PAMR1: variants seen among roughly 807,000 people sequenced by gnomAD.
The protein encoded by PAMR1 is inactive serine protease PAMR1.
PAMR1 carries 88 observed loss-of-function variants against 81.8 expected under a neutral mutation model. The ratio of observed to expected loss-of-function variants is 1.08; its 90% CI spans 0.91 to 1.28. PAMR1 has a LOEUF of 1.28. Among genes scored for constraint, PAMR1 ranks in the 50% most tolerant of loss-of-function variants. The probability of loss-of-function intolerance (pLI) is 0.00; values close to 1 mark genes in which losing one functional copy is unlikely to be tolerated. For missense variants in PAMR1, 935 were observed against 919.7 expected (o/e 1.02, Z -0.21); for synonymous variants, 336 against 345.3 (o/e 0.97, Z 0.30).
At chr11:35,493,453 A>C (rs1382918092) in intron 2 of PAMR1, among the ~76,000 whole-genome samples, 1 of 151,354 alleles carries the variant, frequency 6.6e-6, no homozygotes, top group Non-Finnish European at 1.5e-5. Flanking sequence ...CCCTCTCTCC[A>C]TCTATCCAGG....
chr11:35,459,175 A>G (rs183382691), intron 6 of PAMR1, among the ~76,000 whole-genome samples: 1 of 152,264 alleles, frequency 6.6e-6, no homozygotes, highest in African/African-American at 2.4e-5. Flanking sequence ...CTTAATCAGT[A>G]TTGTCCTTGG....
At chr11:35,493,631 C>G (rs1272161412) in intron 2 of PAMR1, among the ~76,000 whole-genome samples, 1 of 152,186 alleles carries the variant, frequency 6.6e-6, no homozygotes, top group Non-Finnish European at 1.5e-5. Context: ...AGCATGCTCA[C>G]CACCTTCTCT....
At chr11:35,494,010 C>T in intron 2 of PAMR1, 86 bp downstream of exon 2, 3 of 1,038,672 alleles carry the variant, frequency 2.9e-6, no homozygotes, top group Non-Finnish European at 4.4e-6. Flanking sequence ...TGATGGCTGC[C>T]TGCTAGAATT....
chr11:35,460,586 G>A (rs936753560), intron 6 of PAMR1, among the ~76,000 whole-genome samples: 21 of 151,848 alleles, frequency 1.4e-4, no homozygotes, highest in Non-Finnish European at 1.9e-4. Context: ...TTGGTTTTTC[G>A]TCCTTGTGAT....
intron 3 of PAMR1, among the ~76,000 whole-genome samples, chr11:35,481,508 T>TTTTG (rs58551047): frequency 0.029 from 4,345 of 151,030 alleles, 208 homozygotes; most frequent in African/African-American, 0.099. Flanking sequence ...TGTCTTCTTG[T>TTTTG]TTTGTTTGTT....
chr11:35,452,142 A>G (rs1856432916), intron 6 of PAMR1, among the ~76,000 whole-genome samples: 1 of 152,240 alleles, frequency 6.6e-6, no homozygotes, highest in African/African-American at 2.4e-5. Context: ...GAAATAAAAC[A>G]AGATTGAGCA....
At chr11:35,507,206 C>T (rs1392383835) in intron 1 of PAMR1, among the ~76,000 whole-genome samples, 1 of 151,958 alleles carries the variant, frequency 6.6e-6, no homozygotes, top group Non-Finnish European at 1.5e-5. Flanking sequence ...CACCACCAAG[C>T]CCGGCTAATT....
intron 4 of PAMR1, among the ~76,000 whole-genome samples, chr11:35,473,759 C>A (rs1033383836): frequency 6.6e-6 from 1 of 151,988 alleles, no homozygotes; most frequent in African/African-American, 2.4e-5. Context: ...ATTTAGCCAC[C>A]CAGAATATAC....
intron 1 of PAMR1, among the ~76,000 whole-genome samples, chr11:35,506,688 T>C (rs647574): frequency 0.31 from 47,462 of 151,600 alleles, 7,517 homozygotes; most frequent in African/African-American, 0.36. Flanking sequence ...AATTGGAGCT[T>C]CTTTTGTATG....
In PAMR1 at chr11:35,437,162, A is replaced by T. The variant is rs755696324; in HGVS notation, c.1101-1027T>A. Among the ~76,000 whole-genome samples, 66 of 152,302 alleles carry T rather than the reference A, an allele frequency of 4.3e-4. 1 individual carries two copies. Among genetic ancestry groups the T allele is most frequent in the Middle Eastern group, 6.8e-3 (2 of 294 alleles). ...GACCACTCAGGGATTCTTGGGGAAGATGTGCACACACTCTGCAGTTTGTGT... is the reference window on the plus strand; with the variant it reads ...GACCACTCAGGGATTCTTGGGGAAGTTGTGCACACACTCTGCAGTTTGTGT... On this transcript the variant is annotated intron_variant, in intron 8 of 10. Transcript: ENST00000619888.
chr11:35,432,776 G>T lies in PAMR1; in HGVS notation c.1743C>A (p.Leu581=), dbSNP rs139109171. The change falls in exon 11 of 11, where the codon CTC becomes CTA. Residue 581 remains leucine (L), a synonymous_variant. Transcript: ENST00000619888. ...RISTRVQPIC[L]AASRDLSTSF... The stretch of plus-strand genomic sequence containing the variant: ...AAGTGCTGAGATCCCGACTGGCAGC[G>T]AGGCAGATGGGCTGGACTCGGGTGC... 73 of 1,612,472 alleles carry T rather than the reference G, an allele frequency of 4.5e-5. No homozygotes were observed. The highest frequency in any genetic ancestry group is 5.3e-5 in the Non-Finnish European group (63 of 1,180,038).
intron 6 of PAMR1, among the ~76,000 whole-genome samples, chr11:35,444,214 G>A (rs1856244729): frequency 6.6e-6 from 1 of 151,874 alleles, no homozygotes; most frequent in African/African-American, 2.4e-5. Context: ...TTGTAAAGTT[G>A]TTTAATTTCC....
rs1433957199 is a variant in PAMR1 at position 35,507,039 on chromosome 11, C to CCTTTTTTTTTTTTTTTTTTTT, written c.74-12768_74-12767insAAAAAAAAAAAAAAAAAAAAG. Among the ~76,000 whole-genome samples the CCTTTTTTTTTTTTTTTTTTTT allele has an allele frequency of 3.5e-5, 3 of 86,862 alleles. 1 individual carries two copies. Among genetic ancestry groups the CCTTTTTTTTTTTTTTTTTTTT allele is most frequent in the Admixed American group, 1.2e-4 (1 of 8,046 alleles). The allele number at this position is 86,862 out of a possible 152,430, so 57.0% of individuals were successfully genotyped here. On this transcript the variant is annotated intron_variant, in intron 1 of 10. Transcript: ENST00000619888. ...TCTCCTCTATTTTCAAATAGCCTGA[C>CCTTTTTTTTTTTTTTTTTTTT]TTTTTTTTTTTTTTTTTTTTTTTTT...
At chr11:35,504,823 T>C (rs770533216) in intron 1 of PAMR1, among the ~76,000 whole-genome samples, 11 of 152,046 alleles carry the variant, frequency 7.2e-5, no homozygotes, top group Non-Finnish European at 1.3e-4. Flanking sequence ...CAACTTTTTG[T>C]TTCATTGCTC....
chr11:35,493,213 G>A (rs571796997), intron 2 of PAMR1, among the ~76,000 whole-genome samples: 1 of 152,264 alleles, frequency 6.6e-6, no homozygotes, highest in East Asian at 1.9e-4. Context: ...CTCTAGTCAT[G>A]CGTGTCCTCC....
intron 6 of PAMR1, among the ~76,000 whole-genome samples, chr11:35,459,532 T>C (rs369313372): frequency 6.6e-6 from 1 of 152,296 alleles, no homozygotes; most frequent in Middle Eastern, 3.4e-3. Flanking sequence ...GTGGTATTCA[T>C]AGCCAACTTC....
At chr11:35,437,666 C>A (rs1484346504) in intron 8 of PAMR1, among the ~76,000 whole-genome samples, 7 of 152,246 alleles carry the variant, frequency 4.6e-5, no homozygotes. Context: ...CAAGTTTCAG[C>A]CTTGCTTTTT....
At chr11:35,487,381 A>G (rs934010832) in intron 3 of PAMR1, among the ~76,000 whole-genome samples, 10 of 151,998 alleles carry the variant, frequency 6.6e-5, no homozygotes, top group South Asian at 6.3e-4. Context: ...TTGCCCCTCT[A>G]CCAGGCTCTT....
chr11:35,512,158 TGAG>T (rs1851086246), intron 1 of PAMR1, among the ~76,000 whole-genome samples: 2 of 152,220 alleles, frequency 1.3e-5, no homozygotes, highest in African/African-American at 4.8e-5. Context: ...TCATGTACCC[TGAG>T]GAGAGGTAGA....
Sources: gnomAD v4.1 joint callset for allele counts (sites outside exome capture counted in the v4.1 genomes callset) on GRCh38, gnomAD v4.1.1 for gene constraint, MANE v1.5 for transcripts, NCBI Gene and HGNC (gene_info 2026-07-23, HGNC 2026-07-21) for gene names.